Variants in AFG1L observed in about 807,000 individuals in gnomAD.
AFG1L encodes the protein AFG1 like ATPase.
AFG1L carries 53 observed loss-of-function variants against 62.2 expected under a neutral mutation model. The ratio of observed to expected loss-of-function variants is 0.85; its 90% CI spans 0.68 to 1.07. The LOEUF (loss-of-function observed/expected upper bound fraction) is 1.07. Among genes scored for constraint, AFG1L ranks in the 50% least tolerant of loss-of-function variants. The probability of loss-of-function intolerance (pLI) is 0.00; values close to 1 mark genes in which losing one functional copy is unlikely to be tolerated. For synonymous variants in AFG1L, 228 were observed against 210.3 expected, an observed-to-expected ratio of 1.08 and a Z score of -0.73; for missense variants, 555 against 590.5, an observed-to-expected ratio of 0.94 and a Z score of 0.62.
intron 1 of AFG1L, among the ~76,000 whole-genome samples, chr6:108,314,484 C>A (rs1452313843): frequency 6.6e-6 from 1 of 151,666 alleles, no homozygotes; most frequent in Non-Finnish European, 1.5e-5. Flanking sequence ...GCAACCTCCA[C>A]CTCCCAGGTT....
chr6:108,479,381 G>A (rs1269113715), intron 10 of AFG1L, among the ~76,000 whole-genome samples: 1 of 152,036 alleles, frequency 6.6e-6, no homozygotes, highest in Admixed American at 6.6e-5. Context: ...ATTTGTCAGT[G>A]AGTTTGCATG....
intron 7 of AFG1L, among the ~76,000 whole-genome samples, chr6:108,436,126 T>C (rs1425180448): frequency 2.0e-5 from 3 of 152,168 alleles, no homozygotes; most frequent in African/African-American, 7.2e-5. Flanking sequence ...TCTTGAAAGC[T>C]GCCCCATATC....
intron 7 of AFG1L, among the ~76,000 whole-genome samples, chr6:108,417,958 C>A (rs927760990): frequency 5.9e-5 from 9 of 152,050 alleles, no homozygotes; most frequent in African/African-American, 2.2e-4. Flanking sequence ...CTCAGCCTCC[C>A]GGGTAGCTGG....
chr6:108,477,415 C>A, intron 10 of AFG1L, 123 bp downstream of exon 10: 1 of 534,566 alleles, frequency 1.9e-6, no homozygotes, highest in Non-Finnish European at 3.1e-6. Flanking sequence ...ATTTAAAAGT[C>A]TCATTAAGGG....
intron 7 of AFG1L, among the ~76,000 whole-genome samples, chr6:108,403,873 T>C (rs1011741188): frequency 1.3e-5 from 2 of 151,870 alleles, no homozygotes; most frequent in Non-Finnish European, 2.9e-5. Flanking sequence ...GCAGTATTAA[T>C]AGGCAAAATG....
chr6:108,470,807 G>T (rs1048619587), intron 8 of AFG1L, among the ~76,000 whole-genome samples: 2 of 151,970 alleles, frequency 1.3e-5, no homozygotes, highest in South Asian at 2.1e-4. Flanking sequence ...CTGAAATCTG[G>T]TACTATTTTT....
intron 6 of AFG1L, among the ~76,000 whole-genome samples, chr6:108,387,064 T>C (rs1168958713): frequency 6.6e-6 from 1 of 152,142 alleles, no homozygotes; most frequent in Non-Finnish European, 1.5e-5. Flanking sequence ...TCAGAACAAA[T>C]TTAAAAAATA....
intron 8 of AFG1L, among the ~76,000 whole-genome samples, chr6:108,471,518 T>C (rs1772896823): frequency 6.9e-6 from 1 of 144,696 alleles, no homozygotes; most frequent in Admixed American, 7.3e-5. Context: ...TGGAGTGCAG[T>C]GGCATGATCT....
At chr6:108,327,824 G>A (rs1006887407) in intron 2 of AFG1L, among the ~76,000 whole-genome samples, 14 of 152,176 alleles carry the variant, frequency 9.2e-5, no homozygotes, top group Non-Finnish European at 1.8e-4. Context: ...CCTGAGTAAG[G>A]ATCTCATAGG....
At chr6:108,519,865 G>T (rs997535975) in intron 12 of AFG1L, 55 bp downstream of exon 12, 1 of 1,127,004 alleles carries the variant, frequency 8.9e-7, no homozygotes, top group Non-Finnish European at 1.3e-6. Context: ...ATTGTTTTTG[G>T]TTTGATGCAT....
intron 8 of AFG1L, among the ~76,000 whole-genome samples, chr6:108,447,689 T>A (rs927316715): frequency 2.6e-5 from 4 of 152,216 alleles, no homozygotes; most frequent in Non-Finnish European, 5.9e-5. Context: ...AATCTGTTTG[T>A]ATTTATCATT....
At position 108,366,279 on chromosome 6, in the gene AFG1L, A is replaced by G. The variant is rs375974537; in HGVS notation, c.695A>G (p.Asn232Ser). The G allele has an allele frequency of 6.2e-7, 1 of 1,612,096 alleles. No homozygotes were observed. The highest frequency in any genetic ancestry group is 8.5e-7 in the Non-Finnish European group (1 of 1,178,640). ...DAMILKQLFE[N>S]LFKNGVVVVA... ...ATGATTCTGAAACAGCTTTTTGAAA[A>G]TCTGTTCAAAAACGGGGTCGTCGTT... is the stretch of plus-strand genomic sequence containing the variant. Residue 232 changes from asparagine to serine, a missense_variant, in exon 6 of 13, where the codon AAT becomes AGT. By Grantham distance (46) the Asn-to-Ser change is conservative. Transcript: ENST00000368977.
intron 3 of AFG1L, among the ~76,000 whole-genome samples, chr6:108,354,560 C>T (rs1181205150): frequency 6.6e-6 from 1 of 152,144 alleles, no homozygotes; most frequent in Non-Finnish European, 1.5e-5. Context: ...CCACCTTGGC[C>T]TCCCAAAGTG....
intron 11 of AFG1L, among the ~76,000 whole-genome samples, chr6:108,511,919 A>G (rs550856379): frequency 8.5e-5 from 13 of 152,366 alleles, no homozygotes; most frequent in African/African-American, 3.1e-4. Flanking sequence ...CGTGAATCAG[A>G]TGTCCACAGA....
intron 8 of AFG1L, among the ~76,000 whole-genome samples, chr6:108,473,916 G>A (rs149633475): frequency 2.0e-5 from 3 of 152,266 alleles, no homozygotes; most frequent in Non-Finnish European, 4.4e-5. Context: ...TGTGTAGGAT[G>A]TGCAGATTTG....
In AFG1L at chr6:108,452,649, C is replaced by T. The variant is rs1192958357; in HGVS notation, c.890+5353C>T. On this transcript the variant is annotated intron_variant, in intron 8 of 12. Transcript: ENST00000368977. ...AAAATAGGTTTGCCTTTTATTATTT[C>T]ATAAGTGCTGACAGAAGACAACAGA... 2.6e-5 allele frequency among the ~76,000 whole-genome samples: 4 copies of T among 152,260 alleles called. No individual in the cohort carries two copies. The East Asian group carries it at 7.7e-4, about 29-fold the overall frequency.
chr6:108,375,152 G>A (rs1262263927), intron 6 of AFG1L, among the ~76,000 whole-genome samples: 1 of 152,112 alleles, frequency 6.6e-6, no homozygotes, highest in African/African-American at 2.4e-5. Flanking sequence ...GTATAGAAAT[G>A]CTACTGATTT....
chr6:108,488,922 G>A (rs758977987), intron 10 of AFG1L, among the ~76,000 whole-genome samples: 25 of 151,986 alleles, frequency 1.6e-4, no homozygotes, highest in Non-Finnish European at 3.1e-4. Flanking sequence ...GACTCAGAAA[G>A]GTTCTACTTC....
chr6:108,442,471 C>G (rs113215818), intron 7 of AFG1L, among the ~76,000 whole-genome samples: 3,576 of 152,020 alleles, frequency 0.024, 137 homozygotes, highest in African/African-American at 0.082. Flanking sequence ...AAAGGAGAGG[C>G]CTGGGGAGTT....
Sources: gnomAD v4.1 joint callset for allele counts (sites outside exome capture counted in the v4.1 genomes callset) on GRCh38, gnomAD v4.1.1 for gene constraint, MANE v1.5 for transcripts, NCBI Gene and HGNC (gene_info 2026-07-23, HGNC 2026-07-21) for gene names.